ZMYM2: variants seen among roughly 807,000 people sequenced by gnomAD.
The protein encoded by ZMYM2 is zinc finger MYM-type containing 2.
In ZMYM2, 56 loss-of-function variants were observed where a neutral mutation model predicts 162.8. That is an observed-to-expected ratio of 0.34 (90% CI 0.28 to 0.43). The LOEUF (loss-of-function observed/expected upper bound fraction) is 0.43. Ranked by LOEUF, ZMYM2 falls within the 20% of genes least tolerant of loss-of-function variation. The pLI is 1.00. For synonymous variants in ZMYM2, 510 were observed against 541.6 expected, an observed-to-expected ratio of 0.94 and a Z score of 0.81; for missense variants, 1,275 against 1,621.8, an observed-to-expected ratio of 0.79 and a Z score of 3.67.
At chr13:19,927,378 G>A in the ZMYM2 span, among the ~76,000 whole-genome samples, 1 of 152,062 alleles carries the variant, frequency 6.6e-6, no homozygotes, top group African/African-American at 2.4e-5. Context: ...ACACACACAC[G>A]TAGTTGATTG....
intron 12 of ZMYM2, among the ~76,000 whole-genome samples, chr13:20,043,804 G>A (rs1247984707): frequency 1.3e-5 from 2 of 152,108 alleles, no homozygotes; most frequent in Admixed American, 1.3e-4. Flanking sequence ...GCCTGCACAT[G>A]GCAAAGGGAT....
the ZMYM2 span, among the ~76,000 whole-genome samples, chr13:19,907,701 G>A: frequency 7.3e-6 from 1 of 136,808 alleles, no homozygotes; most frequent in Non-Finnish European, 1.5e-5. Flanking sequence ...ATCGGAGGTT[G>A]CAGTGAGCCG....
At chr13:19,874,537 C>G in the ZMYM2 span, among the ~76,000 whole-genome samples, 1 of 152,160 alleles carries the variant, frequency 6.6e-6, no homozygotes, top group African/African-American at 2.4e-5. Flanking sequence ...CCGGCTCATT[C>G]CAATCTTCAC....
the ZMYM2 span, among the ~76,000 whole-genome samples, chr13:19,896,237 G>A: frequency 6.6e-6 from 1 of 151,514 alleles, no homozygotes; most frequent in African/African-American, 2.4e-5. Context: ...TCCGACCCCT[G>A]GGTTCAAGCA....
intron 23 of ZMYM2, 98 bp from the exon 24 acceptor site, chr13:20,083,558 A>G: frequency 1.1e-6 from 1 of 935,704 alleles, no homozygotes; most frequent in Non-Finnish European, 1.6e-6. Context: ...TCCAAGGGGC[A>G]CCTGGTCCTA....
intron 6 of ZMYM2, among the ~76,000 whole-genome samples, chr13:20,012,052 A>G (rs1951239832): frequency 6.6e-6 from 1 of 151,788 alleles, no homozygotes; most frequent in Admixed American, 6.6e-5. Context: ...GCCTGGGCTA[A>G]TACTTGTATT....
chr13:20,056,494 A>G (rs1460053378), intron 14 of ZMYM2, among the ~76,000 whole-genome samples: 1 of 152,138 alleles, frequency 6.6e-6, no homozygotes, highest in African/African-American at 2.4e-5. Flanking sequence ...GGTGTACCAC[A>G]TGAGGGAGCT....
In ZMYM2 at chr13:19,962,522, T is replaced by A. The variant is rs1403231915; in HGVS notation, c.-11+2496T>A. Among the ~76,000 whole-genome samples, 47 of 123,762 alleles carry A rather than the reference T, an allele frequency of 3.8e-4. 1 individual carries two copies. The highest frequency in any genetic ancestry group is 1.1e-3 in the African/African-American group (35 of 31,420). 81.2% of individuals were successfully genotyped at this position (123,762 alleles called of 152,430 possible). A position where few individuals can be genotyped will look rare whatever the true frequency, so the allele number is the denominator to read the frequency against. ...ATATATATATATATATATATTTTTT[T>A]TTTTTTTTTTTTTTTTTTTGAGATG... On this transcript the variant is annotated intron_variant, in intron 2 of 24. Coordinates refer to ENST00000610343, the MANE Select transcript of ZMYM2 (RefSeq NM_197968.4).
the ZMYM2 span, among the ~76,000 whole-genome samples, chr13:19,892,424 G>A: frequency 2.0e-5 from 3 of 150,952 alleles, no homozygotes; most frequent in East Asian, 1.9e-4. Flanking sequence ...GGCGCCCACC[G>A]CCACGCCCAG....
chr13:19,974,603 C>A (rs1040656816), intron 2 of ZMYM2, among the ~76,000 whole-genome samples: 1 of 151,816 alleles, frequency 6.6e-6, no homozygotes, highest in Non-Finnish European at 1.5e-5. Context: ...TCCTGAGTAG[C>A]TAGGATTACA....
Position 20,086,007 on chromosome 13 carries a change from C to G in ZMYM2, c.4127C>G (p.Thr1376Arg). ...GACAATTATGAACTGGATGAAGACA[C>G]AGACTAAAAAGGAACGTTGCAGAAG... Reference protein sequence around the residue: ...DKDNYELDEDTD With the variant: ...DKDNYELDEDRD Residue 1376 changes from threonine (T) to arginine (R), a missense_variant, in exon 25 of 25, where the codon ACA becomes AGA. Transcript: ENST00000610343. The G allele has an allele frequency of 6.2e-7, 1 of 1,612,980 alleles. No individual in the cohort carries two copies. The highest frequency in any genetic ancestry group is 8.5e-7 in the Non-Finnish European group (1 of 1,179,502).
At chr13:20,056,687 T>G (rs1955820328) in intron 14 of ZMYM2, among the ~76,000 whole-genome samples, 1 of 152,076 alleles carries the variant, frequency 6.6e-6, no homozygotes, top group African/African-American at 2.4e-5. Context: ...AAAGAAATTA[T>G]AAAGAACAAT....
At chr13:20,009,146 T>C (rs1391643619) in intron 6 of ZMYM2, among the ~76,000 whole-genome samples, 1 of 152,212 alleles carries the variant, frequency 6.6e-6, no homozygotes, top group Non-Finnish European at 1.5e-5. Context: ...TTTAGCCCTA[T>C]ATAAAAATGT....
the ZMYM2 span, among the ~76,000 whole-genome samples, chr13:19,883,684 T>C: frequency 6.6e-6 from 1 of 152,234 alleles, no homozygotes; most frequent in African/African-American, 2.4e-5. Flanking sequence ...AGCAGTATAT[T>C]AGGCCCTATG....
At chr13:20,063,014 A>AACT in intron 18 of ZMYM2, 43 bp downstream of exon 18, 1 of 1,554,006 alleles carries the variant, frequency 6.4e-7, no homozygotes, top group Non-Finnish European at 8.7e-7. Flanking sequence ...TTATGGAGTC[A>AACT]ACTGTGGTTA....
Position 20,019,541 on chromosome 13 carries a change from T to C in ZMYM2, c.1513-6T>C. The C allele has an allele frequency of 6.4e-7, 1 of 1,572,648 alleles. No homozygotes were observed. Among genetic ancestry groups the C allele is most frequent in the South Asian group, 1.2e-5 (1 of 85,164 alleles). On this transcript the variant is annotated splice_region_variant and splice_polypyrimidine_tract_variant and intron_variant, in intron 6 of 24. Coordinates refer to ENST00000610343, the MANE Select transcript of ZMYM2 (RefSeq NM_197968.4). ...GTTTATAAAGTCTTTTAAAATCTTT[T>C]TTTAGGTAGGTAGCCATCCAAGCTT...
chr13:19,982,967 T>C (rs1454064749), intron 2 of ZMYM2, among the ~76,000 whole-genome samples: 2 of 152,218 alleles, frequency 1.3e-5, no homozygotes, highest in Non-Finnish European at 2.9e-5. Flanking sequence ...AGTTGACCTT[T>C]GGATGGAAGC....
chr13:19,996,072 C>CTATGTG lies in ZMYM2; in HGVS notation c.847+2154_847+2155insATGTGT, dbSNP rs60912894. On this transcript the variant is annotated intron_variant, in intron 3 of 24. Coordinates refer to ENST00000610343, the MANE Select transcript of ZMYM2 (RefSeq NM_197968.4). ...CTCTTTAACCTCTCCCCCAATTCCT[C>CTATGTG]TGTGTGTGTGTGTCTATCGGCGTTT... Among the ~76,000 whole-genome samples the CTATGTG allele has an allele frequency of 2.1e-4, 32 of 152,018 alleles. No homozygotes were observed. The South Asian group carries it at 2.3e-3, about 11-fold the overall frequency.
chr13:19,970,721 A>G (rs992261574), intron 2 of ZMYM2, among the ~76,000 whole-genome samples: 15 of 152,146 alleles, frequency 9.9e-5, no homozygotes, highest in Admixed American at 2.6e-4. Context: ...TAGTAAGGCA[A>G]TAAGAGCATA....
Sources: allele counts gnomAD v4.1 joint callset (sites outside exome capture counted in the v4.1 genomes callset), GRCh38; gene constraint gnomAD v4.1.1; transcripts MANE v1.5; gene names NCBI Gene and HGNC (gene_info 2026-07-23, HGNC 2026-07-21).